Variants in OR1B1 observed in about 807,000 individuals in gnomAD.
OR1B1 encodes olfactory receptor 1B1.
For synonymous variants in OR1B1, 168 were observed against 156.2 expected (o/e 1.08, Z -0.57); for missense variants, 414 against 402.1 (o/e 1.03, Z -0.25).
At chr9:122,638,558 G>C in the OR1B1 span, among the ~76,000 whole-genome samples, 1 of 152,104 alleles carries the variant, frequency 6.6e-6, no homozygotes, top group African/African-American at 2.4e-5. Flanking sequence ...ACATTATGGA[G>C]AACCCAGAAT....
chr9:122,638,932 T>C, the OR1B1 span, among the ~76,000 whole-genome samples: 3 of 152,204 alleles, frequency 2.0e-5, no homozygotes, highest in African/African-American at 7.2e-5. Flanking sequence ...CGGACTATAT[T>C]TCCCCAGCCT....
At chr9:122,639,609 A>G in the OR1B1 span, 2 of 152,050 alleles carry the variant, frequency 1.3e-5, no homozygotes, top group Non-Finnish European at 2.9e-5. Context: ...TTCCTCAACC[A>G]TAAAGTGGAC....
chr9:122,642,575 T>C, the OR1B1 span, among the ~76,000 whole-genome samples: 4 of 152,146 alleles, frequency 2.6e-5, no homozygotes, highest in Non-Finnish European at 5.9e-5. Flanking sequence ...CAGGCAAGCA[T>C]TGACATACTC....
chr9:122,651,346 A>G, the OR1B1 span, among the ~76,000 whole-genome samples: 2,630 of 152,304 alleles, frequency 0.017, 79 homozygotes, highest in African/African-American at 0.061. Flanking sequence ...CCTTCTAGCT[A>G]TTCGAAACTA....
exon 1 of OR1B1, chr9:122,628,692 C>G: frequency 6.2e-7 from 1 of 1,613,884 alleles, no homozygotes; most frequent in Non-Finnish European, 8.5e-7. Flanking sequence ...GTATACATTA[C>G]TGAAGCCACC....
chr9:122,652,475 A>G, the OR1B1 span, among the ~76,000 whole-genome samples: 1 of 152,128 alleles, frequency 6.6e-6, no homozygotes, highest in Non-Finnish European at 1.5e-5. Flanking sequence ...TTTCAACTCC[A>G]CCGTTATTGA....
the OR1B1 span, among the ~76,000 whole-genome samples, chr9:122,643,213 G>A: frequency 3.9e-5 from 6 of 152,180 alleles, no homozygotes; most frequent in Admixed American, 6.5e-5. Flanking sequence ...ATTGAGAAGG[G>A]CAGGACAGTC....
the OR1B1 span, among the ~76,000 whole-genome samples, chr9:122,635,205 CT>C: frequency 6.6e-6 from 1 of 152,080 alleles, no homozygotes; most frequent in Non-Finnish European, 1.5e-5. Context: ...AGGTTCTGCT[CT>C]TTTTTGTGAT....
the OR1B1 span, among the ~76,000 whole-genome samples, chr9:122,651,153 T>C: frequency 6.6e-6 from 1 of 152,230 alleles, no homozygotes; most frequent in Non-Finnish European, 1.5e-5. Flanking sequence ...TATAAAATGT[T>C]TTTACTGTTG....
At chr9:122,651,752 C>T in the OR1B1 span, among the ~76,000 whole-genome samples, 7 of 152,126 alleles carry the variant, frequency 4.6e-5, no homozygotes, top group Non-Finnish European at 1.5e-5. Flanking sequence ...CCAATTATAA[C>T]AATTTTTATT....
chr9:122,654,851 C>T, the OR1B1 span, among the ~76,000 whole-genome samples: 2 of 152,188 alleles, frequency 1.3e-5, no homozygotes, highest in African/African-American at 4.8e-5. Context: ...CAGGATTTCC[C>T]CCCTTTGTAA....
upstream of OR1B1, among the ~76,000 whole-genome samples, chr9:122,632,183 G>A (rs1830209581): frequency 6.6e-6 from 1 of 151,848 alleles, no homozygotes; most frequent in Non-Finnish European, 1.5e-5. Flanking sequence ...AACAAATAAT[G>A]TGATAACCTC....
At chr9:122,654,692 G>A in the OR1B1 span, among the ~76,000 whole-genome samples, 1 of 152,070 alleles carries the variant, frequency 6.6e-6, no homozygotes, top group East Asian at 1.9e-4. Flanking sequence ...ACCAGTCTCT[G>A]GTAACCACCT....
chr9:122,643,638 G>C, the OR1B1 span, among the ~76,000 whole-genome samples: 2 of 152,252 alleles, frequency 1.3e-5, no homozygotes, highest in Admixed American at 1.3e-4. Flanking sequence ...TAGCTGGCAT[G>C]GCTAAGGGAA....
upstream of OR1B1, among the ~76,000 whole-genome samples, chr9:122,629,816 T>C (rs1487388003): frequency 1.3e-5 from 2 of 152,190 alleles, no homozygotes; most frequent in African/African-American, 2.4e-5. Context: ...AGTGAAAAAC[T>C]CTTCATTCAT....
chr9:122,632,656 G>A (rs917474886), upstream of OR1B1, among the ~76,000 whole-genome samples: 8 of 152,112 alleles, frequency 5.3e-5, no homozygotes, highest in South Asian at 1.2e-3. Context: ...CTACTTATGA[G>A]TGAGAACATT....
the OR1B1 span, among the ~76,000 whole-genome samples, chr9:122,647,264 T>TA: frequency 2.0e-5 from 3 of 151,944 alleles, no homozygotes; most frequent in East Asian, 5.8e-4. Flanking sequence ...CACAATGGAA[T>TA]AAAACTAGAA....
the OR1B1 span, among the ~76,000 whole-genome samples, chr9:122,651,576 A>G: frequency 6.6e-6 from 1 of 152,060 alleles, no homozygotes; most frequent in Non-Finnish European, 1.5e-5. Flanking sequence ...CCAGACCTCA[A>G]AATATTGTTG....
At chr9:122,656,146 T>C in the OR1B1 span, among the ~76,000 whole-genome samples, 1 of 152,164 alleles carries the variant, frequency 6.6e-6, no homozygotes, top group Non-Finnish European at 1.5e-5. Context: ...TTTTTTGTTG[T>C]TGTTGTTGTT....
Sources: allele counts gnomAD v4.1 joint callset (sites outside exome capture counted in the v4.1 genomes callset), GRCh38; gene constraint gnomAD v4.1.1; transcripts MANE v1.5; gene names NCBI Gene and HGNC (gene_info 2026-07-23, HGNC 2026-07-21).